MGST2: variants seen among roughly 807,000 people sequenced by gnomAD.
MGST2 encodes the protein microsomal glutathione S-transferase 2.
A neutral mutation model predicts 16.6 loss-of-function variants in MGST2; 9 were observed. That is an observed-to-expected ratio of 0.54 (90% CI 0.33 to 0.95). MGST2 has a LOEUF of 0.95. Among genes scored for constraint, MGST2 ranks in the 40% least tolerant of loss-of-function variants. The probability of loss-of-function intolerance (pLI) is 0.03; values close to 1 mark genes in which losing one functional copy is unlikely to be tolerated. For missense variants in MGST2, 159 were observed against 175.1 expected, an observed-to-expected ratio of 0.91 and a Z score of 0.52; for synonymous variants, 79 against 68.0, an observed-to-expected ratio of 1.16 and a Z score of -0.79.
At chr4:139,705,802 T>A (rs1579337162), downstream of MGST2, 1 of 151,912 alleles carries the variant, frequency 6.6e-6, no homozygotes, top group South Asian at 2.1e-4. Context: ...GTTTGGAGGG[T>A]GATACGGGAA....
At chr4:139,741,740 C>G (rs566145231), downstream of MGST2, among the ~76,000 whole-genome samples, 1 of 152,172 alleles carries the variant, frequency 6.6e-6, no homozygotes, top group Non-Finnish European at 1.5e-5. Flanking sequence ...GAGTGAGACC[C>G]TGTCTCAAAA....
At chr4:139,697,320 C>T (rs770571174) in intron 3 of MGST2, among the ~76,000 whole-genome samples, 13 of 152,042 alleles carry the variant, frequency 8.6e-5, no homozygotes, top group Admixed American at 5.2e-4. Context: ...TTTTCTCCCC[C>T]GGGACAGGGC....
At chr4:139,744,988 A>G (rs1413676178), downstream of MGST2, among the ~76,000 whole-genome samples, 1 of 152,222 alleles carries the variant, frequency 6.6e-6, no homozygotes, top group East Asian at 1.9e-4. Flanking sequence ...ATTCTCCTTT[A>G]TGAAATGAGG....
intron 1 of MGST2, among the ~76,000 whole-genome samples, chr4:139,666,461 G>T (rs1730358291): frequency 6.6e-6 from 1 of 152,172 alleles, no homozygotes; most frequent in African/African-American, 2.4e-5. Context: ...AAGGAAACGT[G>T]CCTGCTTCTA....
intron 5 of MGST2, among the ~76,000 whole-genome samples, chr4:139,739,679 G>GTTTCTTTTTTTTT (rs200037455): frequency 7.6e-6 from 1 of 132,358 alleles, no homozygotes. Flanking sequence ...GAGGAAAGCA[G>GTTTCTTTTTTTTT]TTTTTTTTTT....
In MGST2 at chr4:139,735,193, C is replaced by T. The variant is rs190029515; in HGVS notation, c.*49-5019C>T. Among the ~76,000 whole-genome samples the T allele has an allele frequency of 6.6e-6, 1 of 152,352 alleles. No individual in the cohort carries two copies. Among genetic ancestry groups the T allele is most frequent in the Non-Finnish European group, 1.5e-5 (1 of 68,034 alleles). The stretch of plus-strand genomic sequence containing the variant: ...CACAATACCGAGCAGATGGTGTTCG[C>T]ACGGCGTGATGGACATCACACACGA... On this transcript the variant is annotated intron_variant, in intron 5 of 5. Coordinates refer to the MGST2 transcript ENST00000616265. The surrounding 1 kb of genome is among the most constrained non-coding windows in gnomAD (Gnocchi z 5.8).
At chr4:139,744,544 T>G (rs992176005), downstream of MGST2, among the ~76,000 whole-genome samples, 1 of 152,180 alleles carries the variant, frequency 6.6e-6, no homozygotes, top group Non-Finnish European at 1.5e-5. Flanking sequence ...TAGAACACAA[T>G]GTGTGGCGTG....
chr4:139,733,550 A>T, intron 5 of MGST2, among the ~76,000 whole-genome samples: 1 of 125,432 alleles, frequency 8.0e-6, no homozygotes, highest in Admixed American at 9.0e-5. Context: ...CTTCAAAAGC[A>T]CAGTGTGAAA....
downstream of MGST2, among the ~76,000 whole-genome samples, chr4:139,706,816 C>T (rs148492685): frequency 8.0e-4 from 122 of 152,236 alleles, no homozygotes; most frequent in African/African-American, 2.8e-3. Flanking sequence ...CACCAGGCAA[C>T]CTTTTGATTA....
At chr4:139,695,041 T>A (rs1029745592) in intron 2 of MGST2, among the ~76,000 whole-genome samples, 156 bp from the exon 3 acceptor site, 1 of 152,242 alleles carries the variant, frequency 6.6e-6, no homozygotes, top group Non-Finnish European at 1.5e-5. Flanking sequence ...TGTTCAACCT[T>A]GAAAGATTGA....
At chr4:139,737,278 A>T (rs1378109880) in intron 5 of MGST2, among the ~76,000 whole-genome samples, 1 of 151,878 alleles carries the variant, frequency 6.6e-6, no homozygotes, top group Non-Finnish European at 1.5e-5. Flanking sequence ...ACACTCTACT[A>T]GGGGCTTTCA....
chr4:139,749,893 C>G, the MGST2 span, among the ~76,000 whole-genome samples: 1 of 141,132 alleles, frequency 7.1e-6, no homozygotes, highest in African/African-American at 2.6e-5. Context: ...GAACCCCCCC[C>G]CACCCTATTC....
At chr4:139,669,875 G>C (rs1322438324) in intron 1 of MGST2, among the ~76,000 whole-genome samples, 1 of 152,262 alleles carries the variant, frequency 6.6e-6, no homozygotes, top group African/African-American at 2.4e-5. Flanking sequence ...ATTCTTTTGA[G>C]TGGTAGTAAA....
At chr4:139,690,460 G>A (rs954835252) in intron 2 of MGST2, among the ~76,000 whole-genome samples, 2 of 152,098 alleles carry the variant, frequency 1.3e-5, no homozygotes, top group Non-Finnish European at 2.9e-5. Flanking sequence ...TAATTTTTAT[G>A]ATGTTTGTTT....
intron 5 of MGST2, among the ~76,000 whole-genome samples, chr4:139,729,293 C>T (rs1277180306): frequency 1.3e-5 from 2 of 151,914 alleles, no homozygotes; most frequent in Non-Finnish European, 2.9e-5. Flanking sequence ...CCGTGTCCTA[C>T]ACAGGATACA....
chr4:139,705,569 T>C (rs550886091), downstream of MGST2: 22 of 152,290 alleles, frequency 1.4e-4, 1 homozygote, highest in African/African-American at 5.3e-4. Flanking sequence ...TTTCTTTTCT[T>C]ATCTGCCATC....
At chr4:139,698,474 G>C (rs1269504195) in intron 3 of MGST2, 12 of 1,189,114 alleles carry the variant, frequency 1.0e-5, no homozygotes, top group Non-Finnish European at 1.4e-5. Flanking sequence ...GCGCACTCTT[G>C]CGAGCGGCTT....
intron 1 of MGST2, among the ~76,000 whole-genome samples, chr4:139,673,502 G>C (rs1252897791): frequency 6.6e-6 from 1 of 152,106 alleles, no homozygotes; most frequent in African/African-American, 2.4e-5. Context: ...GTCCTCCCAG[G>C]CTCAAGCGAT....
chr4:139,720,113 G>A (rs760730626), intron 5 of MGST2: 26 of 1,614,082 alleles, frequency 1.6e-5, no homozygotes, highest in Non-Finnish European at 2.2e-5. Flanking sequence ...GGTCATGCCT[G>A]TGCTCATATT....
Sources: allele counts gnomAD v4.1 joint callset (sites outside exome capture counted in the v4.1 genomes callset), GRCh38; gene constraint gnomAD v4.1.1; non-coding constraint Gnocchi (gnomAD v3.1); transcripts MANE v1.5; gene names NCBI Gene and HGNC (gene_info 2026-07-23, HGNC 2026-07-21).